DPP10: variants seen among roughly 807,000 people sequenced by gnomAD.
DPP10 encodes inactive dipeptidyl peptidase 10.
DPP10 carries 33 observed loss-of-function variants against 120.9 expected under a neutral mutation model. The ratio of observed to expected loss-of-function variants is 0.27; its 90% confidence interval spans 0.21 to 0.37. The LOEUF (loss-of-function observed/expected upper bound fraction) is 0.37, where lower values mean the gene tolerates loss of function less well. Ranked by LOEUF, DPP10 falls within the 10% of genes least tolerant of loss-of-function variation. DPP10 has a pLI of 1.00. For missense variants in DPP10, 816 were observed against 942.8 expected, an observed-to-expected ratio of 0.87 and a Z score of 1.76; for synonymous variants, 337 against 326.1, an observed-to-expected ratio of 1.03 and a Z score of -0.36.
chr2:115,532,285 G>A (rs1352422317), intron 5 of DPP10, among the ~76,000 whole-genome samples: 1 of 152,048 alleles, frequency 6.6e-6, no homozygotes. Flanking sequence ...GACAGACTTA[G>A]AGATATTAAC....
rs555698620 is a variant in DPP10 at position 115,357,411 on chromosome 2, C to A, written c.271+13499C>A. On this transcript the variant is annotated intron_variant, in intron 3 of 25. Coordinates refer to ENST00000410059, the MANE Select transcript of DPP10 (RefSeq NM_020868.6). The stretch of plus-strand genomic sequence containing the variant: ...AAGGCAGTCATAAACCTTAAAGTTC[C>A]AAAATGATCTCCTTTGAACCCATGT... Among the ~76,000 whole-genome samples the A allele has an allele frequency of 3.3e-5, 5 of 152,334 alleles. No individual in the cohort carries two copies. In the South Asian group the frequency reaches 1.0e-3, roughly 32 times the overall value.
chr2:115,287,951 G>A (rs929549740), intron 1 of DPP10, among the ~76,000 whole-genome samples: 2 of 152,000 alleles, frequency 1.3e-5, no homozygotes, highest in Non-Finnish European at 2.9e-5. Flanking sequence ...CTATATCTTT[G>A]CAATTGTGAA....
chr2:114,870,127 C>T (rs1377801135), intron 1 of DPP10, among the ~76,000 whole-genome samples: 1 of 152,178 alleles, frequency 6.6e-6, no homozygotes, highest in Non-Finnish European at 1.5e-5. Flanking sequence ...TACTGCCTCT[C>T]TGGGCACATG....
At chr2:114,953,725 T>C (rs980889777) in intron 1 of DPP10, among the ~76,000 whole-genome samples, 2 of 152,136 alleles carry the variant, frequency 1.3e-5, no homozygotes, top group African/African-American at 4.8e-5. Context: ...AATAGATTGT[T>C]CAACAACAAG....
intron 1 of DPP10, among the ~76,000 whole-genome samples, chr2:115,062,128 C>CTGTGTG (rs61413782): frequency 2.1e-5 from 3 of 143,880 alleles, no homozygotes; most frequent in African/African-American, 7.6e-5. Context: ...GATTACAGTT[C>CTGTGTG]TGTGTGTGTG....
chr2:115,709,626 A>AT (rs1491287904), intron 7 of DPP10, among the ~76,000 whole-genome samples: 112 of 1,088 alleles, frequency 0.1, 1 homozygote, highest in Non-Finnish European at 0.5. Flanking sequence ...TATTTAAAAT[A>AT]AAAAAAAAAT....
At chr2:115,535,360 T>G (rs1283226564) in intron 5 of DPP10, among the ~76,000 whole-genome samples, 1 of 151,812 alleles carries the variant, frequency 6.6e-6, no homozygotes, top group Non-Finnish European at 1.5e-5. Context: ...CACCATTTAT[T>G]AAATAGGGAA....
intron 3 of DPP10, among the ~76,000 whole-genome samples, chr2:115,477,029 T>G (rs1839136): frequency 0.83 from 125,891 of 152,098 alleles, 55,162 homozygotes; most frequent in Non-Finnish European, 0.97. Flanking sequence ...TATATTCTAA[T>G]CCACACATGA....
rs193233103 is a variant in DPP10 at position 114,611,538 on chromosome 2, G to T, written c.60+168700G>T. On this transcript the variant is annotated intron_variant, in intron 1 of 25. Transcript: ENST00000410059. ...ATACCCACATAGAGACAAAAGAATT[G>T]ATTGTATTATGGTAGTTTAATATTC... Among the ~76,000 whole-genome samples the T allele has an allele frequency of 1.2e-4, 18 of 152,224 alleles. No homozygotes were observed. The East Asian group carries it at 3.5e-3, about 29-fold the overall frequency.
intron 1 of DPP10, among the ~76,000 whole-genome samples, chr2:115,149,314 A>C (rs1441144939): frequency 6.6e-6 from 1 of 152,232 alleles, no homozygotes; most frequent in Non-Finnish European, 1.5e-5. Context: ...CATTAGCTCA[A>C]ATAATTTCAT....
chr2:114,728,174 T>A (rs1483621298), intron 1 of DPP10, among the ~76,000 whole-genome samples: 1 of 152,014 alleles, frequency 6.6e-6, no homozygotes, highest in Admixed American at 6.6e-5. Context: ...ACCACTAAGG[T>A]AGAAGGGTGA....
chr2:114,824,218 G>A (rs1476521148), intron 1 of DPP10, among the ~76,000 whole-genome samples: 1 of 152,170 alleles, frequency 6.6e-6, no homozygotes, highest in Non-Finnish European at 1.5e-5. Flanking sequence ...TTAATACTGT[G>A]AAATGAAAGA....
chr2:115,329,401 G>C (rs2062568064), intron 2 of DPP10, among the ~76,000 whole-genome samples: 1 of 151,998 alleles, frequency 6.6e-6, no homozygotes, highest in African/African-American at 2.4e-5. Flanking sequence ...GGCTTTGTAA[G>C]ATACAGGGAT....
chr2:115,387,956 GACA>G (rs1365154189), intron 3 of DPP10, among the ~76,000 whole-genome samples: 1 of 152,178 alleles, frequency 6.6e-6, no homozygotes, highest in Non-Finnish European at 1.5e-5. Context: ...GGAGGTCAGG[GACA>G]ACTTCTCTGG....
chr2:115,661,948 T>C (rs976421699), intron 5 of DPP10, among the ~76,000 whole-genome samples: 1 of 152,204 alleles, frequency 6.6e-6, no homozygotes, highest in African/African-American at 2.4e-5. Context: ...CATAGTGTTG[T>C]GCATTAGGTC....
intron 21 of DPP10, among the ~76,000 whole-genome samples, chr2:115,831,911 A>T (rs1328533153): frequency 6.6e-6 from 1 of 152,198 alleles, no homozygotes; most frequent in Non-Finnish European, 1.5e-5. Flanking sequence ...AATAAAATGC[A>T]CAATGAAAAC....
chr2:115,566,174 G>A lies in DPP10; in HGVS notation c.441+40202G>A, dbSNP rs182740543. 8.9e-4 allele frequency among the ~76,000 whole-genome samples: 135 copies of A among 152,168 alleles called. 2 individuals are homozygous for A. The highest frequency in any genetic ancestry group is 7.4e-3 in the Admixed American group (113 of 15,274). On this transcript the variant is annotated intron_variant, in intron 5 of 25. Coordinates refer to ENST00000410059, the MANE Select transcript of DPP10 (RefSeq NM_020868.6). ...AACCAGGAGCCACATAATGTCTAGG[G>A]GTTCCATTAATGATAGTAGTTACTT...
At chr2:115,275,285 C>A (rs1048073166) in intron 1 of DPP10, among the ~76,000 whole-genome samples, 2 of 152,184 alleles carry the variant, frequency 1.3e-5, no homozygotes, top group Non-Finnish European at 2.9e-5. Flanking sequence ...ATAATAGTCT[C>A]TCTCTATCTC....
chr2:115,274,543 G>A (rs970339328), intron 1 of DPP10, among the ~76,000 whole-genome samples: 27 of 152,190 alleles, frequency 1.8e-4, no homozygotes, highest in African/African-American at 6.3e-4. Flanking sequence ...CCTGCCAAAA[G>A]TTCTAATAAA....
Sources: gnomAD v4.1 joint callset for allele counts (sites outside exome capture counted in the v4.1 genomes callset) on GRCh38, gnomAD v4.1.1 for gene constraint, MANE v1.5 for transcripts, NCBI Gene and HGNC (gene_info 2026-07-23, HGNC 2026-07-21) for gene names.